PRKCZ: variants seen among roughly 807,000 people sequenced by gnomAD.
PRKCZ encodes protein kinase C zeta type.
In PRKCZ, 33 loss-of-function variants were observed where a neutral mutation model predicts 79.5. The observed-to-expected ratio is 0.41, with a 90% CI of 0.31 to 0.55. PRKCZ has a LOEUF of 0.55. Among genes scored for constraint, PRKCZ ranks in the 20% least tolerant of loss-of-function variants. The probability of loss-of-function intolerance (pLI) is 0.19; values close to 1 mark genes in which losing one functional copy is unlikely to be tolerated. For synonymous variants in PRKCZ, 342 were observed against 320.9 expected (o/e 1.07, Z -0.70); for missense variants, 578 against 813.5 (o/e 0.71, Z 3.52).
At chr1:2,065,281 G>C (rs924079537) in intron 4 of PRKCZ, among the ~76,000 whole-genome samples, 3 of 152,182 alleles carry the variant, frequency 2.0e-5, no homozygotes, top group Admixed American at 2.0e-4. Context: ...CATATCATCT[G>C]TATACAGAGA....
At chr1:2,068,748 C>A (rs985676753) in intron 4 of PRKCZ, among the ~76,000 whole-genome samples, 1 of 152,186 alleles carries the variant, frequency 6.6e-6, no homozygotes, top group Non-Finnish European at 1.5e-5. Context: ...GGGCTCTGTC[C>A]CCAGGAAATG....
intron 4 of PRKCZ, among the ~76,000 whole-genome samples, chr1:2,096,987 C>T (rs778504614): frequency 2.6e-5 from 4 of 152,234 alleles, no homozygotes; most frequent in Non-Finnish European, 5.9e-5. Flanking sequence ...GTCTCACCCA[C>T]GGGCACCAGT....
chr1:2,063,240 A>G (rs1357213276), intron 4 of PRKCZ, among the ~76,000 whole-genome samples: 1 of 151,470 alleles, frequency 6.6e-6, no homozygotes, highest in Admixed American at 6.6e-5. Flanking sequence ...GTGCACAGTG[A>G]CCTCTGGAGA....
At chr1:2,137,653 C>T (rs908047420) in intron 5 of PRKCZ, among the ~76,000 whole-genome samples, 1 of 152,212 alleles carries the variant, frequency 6.6e-6, no homozygotes, top group African/African-American at 2.4e-5. Context: ...CCTACCCACC[C>T]AGTGACATGG....
chr1:2,055,961 C>T (rs1005844971), intron 2 of PRKCZ: 1 of 196,310 alleles, frequency 5.1e-6, no homozygotes, highest in East Asian at 1.3e-4. Context: ...GTGTCCACCT[C>T]CTGTCTCTTA....
intron 4 of PRKCZ, among the ~76,000 whole-genome samples, chr1:2,069,850 G>T (rs956716399): frequency 6.6e-6 from 1 of 152,182 alleles, no homozygotes; most frequent in Admixed American, 6.5e-5. Flanking sequence ...AGGCTCTGGG[G>T]CTCCTAAGTG....
At chr1:2,068,449 G>A (rs952924755) in intron 4 of PRKCZ, among the ~76,000 whole-genome samples, 5 of 152,234 alleles carry the variant, frequency 3.3e-5, no homozygotes, top group Non-Finnish European at 5.9e-5. Flanking sequence ...CCAGCCTCTG[G>A]CCTGTCACCC....
At chr1:2,059,639 A>G in intron 4 of PRKCZ, 48 bp downstream of exon 4, 2 of 1,608,632 alleles carry the variant, frequency 1.2e-6, no homozygotes, top group Non-Finnish European at 1.7e-6. Flanking sequence ...ACGGGGTTGA[A>G]CTGTTGATCC....
chr1:2,135,392 A>C (rs376927359), intron 5 of PRKCZ, 45 bp downstream of exon 5: 21 of 1,518,204 alleles, frequency 1.4e-5, no homozygotes, highest in Non-Finnish European at 1.9e-5. Flanking sequence ...GCCTTTTGTT[A>C]CTTTTAAAAG....
chr1:2,059,524 T>G lies in PRKCZ; in HGVS notation c.284-17T>G. On this transcript the variant is annotated splice_polypyrimidine_tract_variant and intron_variant, in intron 3 of 17. Coordinates refer to ENST00000378567, the MANE Select transcript of PRKCZ (RefSeq NM_002744.6). ...GCCGCAGGGTCTTGACGCTGTCTCT[T>G]TCTCTCTCTTGTCCAGTTTTCCCGA... The G allele has an allele frequency of 1.2e-6, 2 of 1,614,080 alleles. No homozygotes were observed. The highest frequency in any genetic ancestry group is 1.7e-6 in the Non-Finnish European group (2 of 1,179,946).
intron 4 of PRKCZ, among the ~76,000 whole-genome samples, chr1:2,130,995 G>A (rs1290923580): frequency 2.0e-5 from 3 of 152,090 alleles, no homozygotes; most frequent in Non-Finnish European, 2.9e-5. Context: ...CGACCCTCCC[G>A]CAAGCAGTGC....
At chr1:2,071,855 C>T (rs1474845435) in intron 4 of PRKCZ, among the ~76,000 whole-genome samples, 2 of 152,210 alleles carry the variant, frequency 1.3e-5, no homozygotes, top group Non-Finnish European at 2.9e-5. Flanking sequence ...CTGTCCAGGG[C>T]CAGGTAGTTG....
chr1:2,134,153 G>A (rs537905120), intron 4 of PRKCZ, among the ~76,000 whole-genome samples: 5 of 152,170 alleles, frequency 3.3e-5, no homozygotes, highest in Non-Finnish European at 5.9e-5. Context: ...GGGCTGAGCC[G>A]CCCGCTGCCG....
intron 4 of PRKCZ, among the ~76,000 whole-genome samples, chr1:2,067,244 G>A (rs542701106): frequency 2.6e-4 from 40 of 152,358 alleles, no homozygotes; most frequent in African/African-American, 8.9e-4. Flanking sequence ...GCCGCTGTGG[G>A]TACAGCGCTC....
chr1:2,086,604 G>C (rs1021862752), intron 4 of PRKCZ, among the ~76,000 whole-genome samples: 12 of 152,248 alleles, frequency 7.9e-5, no homozygotes, highest in African/African-American at 2.9e-4. Context: ...TTTCTCCACG[G>C]AACTTGGCTT....
At chr1:2,083,953 C>T (rs925504958) in intron 4 of PRKCZ, among the ~76,000 whole-genome samples, 4 of 152,124 alleles carry the variant, frequency 2.6e-5, no homozygotes, top group South Asian at 4.1e-4. Flanking sequence ...GTATGTTGGC[C>T]GGGCGCGGTG....
intron 10 of PRKCZ, 74 bp downstream of exon 10, chr1:2,156,166 G>T: frequency 7.1e-7 from 1 of 1,403,362 alleles, no homozygotes; most frequent in South Asian, 1.2e-5. Context: ...AGTCTGGTGT[G>T]ATGTGTCAAC....
intron 4 of PRKCZ, among the ~76,000 whole-genome samples, chr1:2,064,667 A>G (rs950334656): frequency 1.4e-4 from 21 of 152,168 alleles, no homozygotes; most frequent in Admixed American, 1.3e-4. Flanking sequence ...TCGTTTCACC[A>G]TATATGGGAG....
chr1:2,055,208 C>T (rs958863046), intron 1 of PRKCZ, among the ~76,000 whole-genome samples: 3 of 146,688 alleles, frequency 2.0e-5, no homozygotes, highest in Non-Finnish European at 4.4e-5. Flanking sequence ...TCCCAAAGTG[C>T]TGGGATGACA....
Sources: allele counts gnomAD v4.1 joint callset (sites outside exome capture counted in the v4.1 genomes callset), GRCh38; gene constraint gnomAD v4.1.1; transcripts MANE v1.5; gene names NCBI Gene and HGNC (gene_info 2026-07-23, HGNC 2026-07-21).